NBEA: variants seen among roughly 807,000 people sequenced by gnomAD.
The protein encoded by NBEA is neurobeachin.
NBEA carries 44 observed loss-of-function variants against 343.4 expected under a neutral mutation model. The observed-to-expected ratio is 0.13, with a 90% CI of 0.10 to 0.16. The LOEUF (loss-of-function observed/expected upper bound fraction) is 0.16. Ranked by LOEUF, NBEA falls within the 10% of genes least tolerant of loss-of-function variation. The pLI, the probability that NBEA is intolerant of heterozygous loss-of-function variation, is 1.00. For synonymous variants in NBEA, 1,175 were observed against 1,238.7 expected, an observed-to-expected ratio of 0.95 and a Z score of 1.08; for missense variants, 2,555 against 3,631.3, an observed-to-expected ratio of 0.70 and a Z score of 7.62.
chr13:35,273,626 TAAAG>T (rs1401749331), intron 34 of NBEA, among the ~76,000 whole-genome samples: 1 of 151,606 alleles, frequency 6.6e-6, no homozygotes, highest in Non-Finnish European at 1.5e-5. Context: ...GCAAGACTAA[TAAAG>T]AAGAAAAGAG....
chr13:35,034,586 TCTC>T (rs1279445680), intron 1 of NBEA, among the ~76,000 whole-genome samples: 8 of 151,802 alleles, frequency 5.3e-5, no homozygotes, highest in South Asian at 2.1e-4. Flanking sequence ...AGTATGCCCT[TCTC>T]CTCTATTTTT....
chr13:35,376,463 G>C (rs1265222426), intron 38 of NBEA, among the ~76,000 whole-genome samples: 1 of 152,024 alleles, frequency 6.6e-6, no homozygotes. Flanking sequence ...TATAATTATA[G>C]TGTTACTATT....
At chr13:34,983,022 T>A (rs115830486) in intron 1 of NBEA, among the ~76,000 whole-genome samples, 4,158 of 152,252 alleles carry the variant, frequency 0.027, 84 homozygotes, top group South Asian at 0.075. Context: ...TGGGTTATTA[T>A]TATTATTATT....
At chr13:35,016,618 A>G (rs1160782345) in intron 1 of NBEA, among the ~76,000 whole-genome samples, 1 of 146,436 alleles carries the variant, frequency 6.8e-6, no homozygotes, top group Non-Finnish European at 1.5e-5. Flanking sequence ...ACACACACAC[A>G]CACATTTATT....
chr13:35,037,291 A>G (rs1329968848), intron 1 of NBEA, among the ~76,000 whole-genome samples: 1 of 152,164 alleles, frequency 6.6e-6, no homozygotes, highest in Non-Finnish European at 1.5e-5. Context: ...AGAATTCTGA[A>G]TGCCTTCTCT....
At chr13:35,346,871 A>G (rs1212859716) in intron 36 of NBEA, among the ~76,000 whole-genome samples, 4 of 152,094 alleles carry the variant, frequency 2.6e-5, no homozygotes, top group African/African-American at 9.7e-5. Flanking sequence ...TCTACTGAGA[A>G]CTATCTTGAG....
intron 4 of NBEA, 84 bp downstream of exon 4, chr13:35,045,485 T>C (rs2062816164): frequency 9.1e-7 from 1 of 1,099,878 alleles, no homozygotes; most frequent in Non-Finnish European, 1.3e-6. Flanking sequence ...ATAATAAAAT[T>C]TACCAGTTTA....
At chr13:34,993,735 G>A (rs926780432) in intron 1 of NBEA, among the ~76,000 whole-genome samples, 6 of 152,036 alleles carry the variant, frequency 3.9e-5, no homozygotes, top group Admixed American at 2.0e-4. Context: ...GCTATAGTGC[G>A]GAACATTATG....
intron 34 of NBEA, among the ~76,000 whole-genome samples, chr13:35,246,772 G>A (rs2031264197): frequency 6.6e-6 from 1 of 152,194 alleles, no homozygotes; most frequent in Admixed American, 6.5e-5. Flanking sequence ...AGGAGGTGGT[G>A]CTTTCAAGAG....
intron 41 of NBEA, among the ~76,000 whole-genome samples, chr13:35,529,763 G>T (rs1031016382): frequency 2.6e-5 from 4 of 152,072 alleles, no homozygotes; most frequent in African/African-American, 9.7e-5. Context: ...GTCCTCAGTG[G>T]GTTGTATTTA....
intron 41 of NBEA, among the ~76,000 whole-genome samples, chr13:35,520,602 G>A (rs2077665712): frequency 1.3e-5 from 2 of 152,092 alleles, no homozygotes; most frequent in African/African-American, 4.8e-5. Context: ...AACTCTGAGG[G>A]ACACCAACCA....
chr13:35,464,508 T>C (rs2047070271), intron 40 of NBEA, among the ~76,000 whole-genome samples: 1 of 152,198 alleles, frequency 6.6e-6, no homozygotes, highest in Non-Finnish European at 1.5e-5. Flanking sequence ...CCGGAAATCA[T>C]GATTGTTCTG....
intron 6 of NBEA, among the ~76,000 whole-genome samples, chr13:35,054,833 G>A (rs1293165143): frequency 2.0e-5 from 3 of 151,462 alleles, no homozygotes; most frequent in Non-Finnish European, 4.4e-5. Context: ...TAGTAGACAC[G>A]GGGTTTCACC....
chr13:35,432,597 C>T (rs1427328585), intron 39 of NBEA, among the ~76,000 whole-genome samples: 1 of 151,844 alleles, frequency 6.6e-6, no homozygotes, highest in Non-Finnish European at 1.5e-5. Context: ...ATTTTTGTAG[C>T]CTTCAACTTA....
At chr13:35,616,299 A>T (rs943134692) in intron 48 of NBEA, among the ~76,000 whole-genome samples, 1 of 152,246 alleles carries the variant, frequency 6.6e-6, no homozygotes. Flanking sequence ...GAACAAAACC[A>T]TAGTAGAATA....
chr13:35,407,800 A>G (rs1594517990), intron 38 of NBEA, among the ~76,000 whole-genome samples: 1 of 152,350 alleles, frequency 6.6e-6, no homozygotes, highest in East Asian at 1.9e-4. Context: ...AATACAGCTA[A>G]CTAGGGAGGT....
In NBEA at chr13:35,196,050, C is replaced by G. The variant is rs755363559; in HGVS notation, c.5114C>G (p.Ser1705Cys). The change falls in exon 31 of 59, where the codon TCC becomes TGC. Residue 1705 changes from serine (S) to cysteine (C), a missense_variant. Around this residue, in one of 21 missense-constraint regions of NBEA, gnomAD observed 270 missense variants for 293.3 expected, o/e 0.92. Coordinates refer to ENST00000379939, the MANE Select transcript of NBEA (RefSeq NM_001385012.1). Reference protein sequence around the residue: ...TGPDAMSELLSTLSSEVKKSQ... With the variant: ...TGPDAMSELLCTLSSEVKKSQ... Reference sequence around the variant, plus strand: ...CCTGATGCCATGAGTGAACTCTTATCCACTTTGTCATCCGAAGTGAAGAAA... The same window carrying G: ...CCTGATGCCATGAGTGAACTCTTATGCACTTTGTCATCCGAAGTGAAGAAA... The G allele has an allele frequency of 3.7e-6, 6 of 1,613,504 alleles. No homozygotes were observed. In the East Asian group the frequency reaches 1.1e-4, roughly 30 times the overall value.
At chr13:35,030,306 A>C (rs1225815900) in intron 1 of NBEA, among the ~76,000 whole-genome samples, 4 of 151,570 alleles carry the variant, frequency 2.6e-5, no homozygotes, top group African/African-American at 9.7e-5. Context: ...CTACATGTAG[A>C]TGTTTCATTT....
At chr13:35,563,934 G>C (rs1395211331) in intron 44 of NBEA, among the ~76,000 whole-genome samples, 1 of 151,608 alleles carries the variant, frequency 6.6e-6, no homozygotes, top group Non-Finnish European at 1.5e-5. Flanking sequence ...TTTTTATAGA[G>C]ATAAATTACA....
Sources: allele counts gnomAD v4.1 joint callset (sites outside exome capture counted in the v4.1 genomes callset), GRCh38; gene constraint gnomAD v4.1.1; regional missense constraint gnomAD v4.1.1; transcripts MANE v1.5; gene names NCBI Gene and HGNC (gene_info 2026-07-23, HGNC 2026-07-21).